The following AGAP1 variants were observed in gnomAD, a reference collection of about 807,000 sequenced individuals.
AGAP1 encodes ArfGAP with GTPase domain, ankyrin repeat and PH domain 1.
AGAP1 carries 29 observed loss-of-function variants against 105.3 expected under a neutral mutation model. That is an observed-to-expected ratio of 0.28 (90% CI 0.21 to 0.38). The LOEUF (loss-of-function observed/expected upper bound fraction) is 0.38. AGAP1 is among the 10% of genes least tolerant of loss of function. AGAP1 has a pLI of 1.00. For missense variants in AGAP1, 998 were observed against 1,165.1 expected (o/e 0.86, Z 2.09); for synonymous variants, 509 against 485.9 (o/e 1.05, Z -0.63).
chr2:235,911,394 TG>T (rs2051606351), intron 11 of AGAP1, among the ~76,000 whole-genome samples: 1 of 152,138 alleles, frequency 6.6e-6, no homozygotes, highest in South Asian at 2.1e-4. Flanking sequence ...CTTCAAGGGA[TG>T]GGGGCTACCT....
chr2:236,003,011 C>G lies in AGAP1; in HGVS notation c.1646-33550C>G, dbSNP rs1029670447. On this transcript the variant is annotated intron_variant, in intron 13 of 17. Transcript: ENST00000304032. The surrounding 1 kb of genome is among the most constrained non-coding windows in gnomAD (Gnocchi z 4.2). ...AAAAGAAGACTCGGGAACCACAGAA[C>G]TAACACAGAAGTAAGTTAGAAAATT... Among the ~76,000 whole-genome samples, 2 of 151,978 alleles carry G rather than the reference C, an allele frequency of 1.3e-5. No individual in the cohort carries two copies. Among genetic ancestry groups the G allele is most frequent in the African/African-American group, 2.4e-5 (1 of 41,366 alleles).
intron 10 of AGAP1, among the ~76,000 whole-genome samples, chr2:235,898,177 AGGGCACTT>A (rs1258212496): frequency 6.6e-6 from 1 of 152,228 alleles, no homozygotes; most frequent in Non-Finnish European, 1.5e-5. Flanking sequence ...CCTGCCCCGC[AGGGCACTT>A]GATAGCATTT....
chr2:235,824,026 G>A lies in AGAP1; in HGVS notation c.1050+16695G>A, dbSNP rs1958941529. ...AGGTCTGCCTATCCTAAAACCAGTGGTCTTCACATTGAAGGGCCTTATGTA... is the reference window on the plus strand; with the variant it reads ...AGGTCTGCCTATCCTAAAACCAGTGATCTTCACATTGAAGGGCCTTATGTA... On this transcript the variant is annotated intron_variant, in intron 9 of 17. Coordinates refer to ENST00000304032, the MANE Select transcript of AGAP1 (RefSeq NM_001037131.3). The surrounding 1 kb of genome is among the most constrained non-coding windows in gnomAD (Gnocchi z 5.2). 6.6e-6 allele frequency among the ~76,000 whole-genome samples: 1 copy of A among 152,178 alleles called. No homozygotes were observed. The highest frequency in any genetic ancestry group is 1.5e-5 in the Non-Finnish European group (1 of 68,046).
Position 236,096,500 on chromosome 2 carries a change from CAAA to C in AGAP1, c.2115-23682_2115-23680del, listed in dbSNP as rs774127175. Among the ~76,000 whole-genome samples the C allele has an allele frequency of 2.3e-5, 3 of 127,780 alleles. No homozygotes were observed. The highest frequency in any genetic ancestry group is 5.7e-5 in the African/African-American group (2 of 34,978). 83.8% of individuals were successfully genotyped at this position (127,780 alleles called of 152,430 possible). A position where few individuals can be genotyped will look rare whatever the true frequency, so the allele number is the denominator to read the frequency against. On this transcript the variant is annotated intron_variant, in intron 16 of 17. Coordinates refer to ENST00000304032, the MANE Select transcript of AGAP1 (RefSeq NM_001037131.3). The surrounding 1 kb of genome is among the most constrained non-coding windows in gnomAD (Gnocchi z 4.4). ...TTGGGGACAGAGTGAGCCTCCATCT[CAAA>C]AAAAAAAAAGCTTCTGGAATGTCAT... is the stretch of plus-strand genomic sequence containing the variant.
rs1559555400 is a variant in AGAP1, at chr2:235,845,714, AT to A, written c.1051-37629del. Among the ~76,000 whole-genome samples the A allele has an allele frequency of 6.6e-6, 1 of 151,904 alleles. No homozygotes were observed. The highest frequency in any genetic ancestry group is 2.4e-5 in the African/African-American group (1 of 41,350). Reference sequence around the variant, plus strand: ...GTCACCCAAGTCACCAGCCGGGACTATTCCTGATGTCATCTATTAACCTTCT... The same window carrying A: ...GTCACCCAAGTCACCAGCCGGGACTATCCTGATGTCATCTATTAACCTTCT... On this transcript the variant is annotated intron_variant, in intron 9 of 17. Coordinates refer to ENST00000304032, the MANE Select transcript of AGAP1 (RefSeq NM_001037131.3). The surrounding 1 kb of genome is among the most constrained non-coding windows in gnomAD (Gnocchi z 4.8).
Position 236,045,598 on chromosome 2 carries a change from C to T in AGAP1, c.1892-3461C>T, listed in dbSNP as rs112503699. On this transcript the variant is annotated intron_variant, in intron 15 of 17. Transcript: ENST00000304032. This position sits in a 1 kb window ranked among gnomAD's most constrained non-coding sequence, Gnocchi z 6.9. Reference sequence around the variant, plus strand: ...AGGGCCTGGAGAGCAGGCAGGGCCGCCCTGGGGCTGTGGGACCAGCGGGGC... The same window carrying T: ...AGGGCCTGGAGAGCAGGCAGGGCCGTCCTGGGGCTGTGGGACCAGCGGGGC... Among the ~76,000 whole-genome samples the T allele has an allele frequency of 6.6e-6, 1 of 152,226 alleles. No individual in the cohort carries two copies. The highest frequency in any genetic ancestry group is 1.5e-5 in the Non-Finnish European group (1 of 68,040).
rs190470859 is a variant in AGAP1, at chr2:235,960,709, G to T, written c.1484-7753G>T. On this transcript the variant is annotated intron_variant, in intron 12 of 17. Transcript: ENST00000304032. The surrounding 1 kb of genome is among the most constrained non-coding windows in gnomAD (Gnocchi z 4.9). Reference sequence around the variant, plus strand: ...TCTCTTCACTCTAGAAATCAGCCCCGTGGGACAGGGGTCTTGCCCTTTATT... The same window carrying T: ...TCTCTTCACTCTAGAAATCAGCCCCTTGGGACAGGGGTCTTGCCCTTTATT... Among the ~76,000 whole-genome samples, 3 of 152,208 alleles carry T rather than the reference G, an allele frequency of 2.0e-5. No individual in the cohort carries two copies. The highest frequency in any genetic ancestry group is 2.0e-4 in the Admixed American group (3 of 15,286).
intron 16 of AGAP1, among the ~76,000 whole-genome samples, chr2:236,060,532 T>TA (rs891110841): frequency 1.3e-5 from 2 of 151,496 alleles, no homozygotes; most frequent in African/African-American, 4.9e-5. Flanking sequence ...CTATAAAAAA[T>TA]AAAAAACATT....
In AGAP1 at chr2:236,120,644, T is replaced by C. The variant is rs2059877564; in HGVS notation, c.2370+197T>C. ...CCGGTCCTCCTTGTACAGTACTTGC[T>C]AGAGTTTCTGAAAATTGCAACTTTG... On this transcript the variant is annotated intron_variant, in intron 17 of 17. Transcript: ENST00000304032. The surrounding 1 kb of genome is among the most constrained non-coding windows in gnomAD (Gnocchi z 6.0). Among the ~76,000 whole-genome samples the C allele has an allele frequency of 6.6e-6, 1 of 152,244 alleles. No homozygotes were observed. The highest frequency in any genetic ancestry group is 2.1e-4 in the South Asian group (1 of 4,836).
Position 235,734,742 on chromosome 2 carries a change from T to A in AGAP1, c.311-6221T>A, listed in dbSNP as rs1269626450. Among the ~76,000 whole-genome samples the A allele has an allele frequency of 6.6e-6, 1 of 152,224 alleles. No homozygotes were observed. The highest frequency in any genetic ancestry group is 6.5e-5 in the Admixed American group (1 of 15,286). ...GCCTGTTTGATGTTGGCCCTGTGGA[T>A]GCTGCAAAACGCAGCAAACACGGAG... On this transcript the variant is annotated intron_variant, in intron 3 of 17. Coordinates refer to ENST00000304032, the MANE Select transcript of AGAP1 (RefSeq NM_001037131.3). This position sits in a 1 kb window ranked among gnomAD's most constrained non-coding sequence, Gnocchi z 5.3.
chr2:235,523,188 A>T (rs75306388), intron 1 of AGAP1, among the ~76,000 whole-genome samples: 9 of 152,086 alleles, frequency 5.9e-5, no homozygotes, highest in Non-Finnish European at 1.3e-4. Context: ...TGATCCCATC[A>T]TGCTCCTCAC....
chr2:236,001,776 T>C lies in AGAP1; in HGVS notation c.1645+33153T>C, dbSNP rs528081553. Among the ~76,000 whole-genome samples, 25 of 152,366 alleles carry C rather than the reference T, an allele frequency of 1.6e-4. No homozygotes were observed. Among genetic ancestry groups the C allele is most frequent in the African/African-American group, 5.8e-4 (24 of 41,592 alleles). On this transcript the variant is annotated intron_variant, in intron 13 of 17. Transcript: ENST00000304032. This position sits in a 1 kb window ranked among gnomAD's most constrained non-coding sequence, Gnocchi z 4.7. ...TTAACACCCCGTGGGTCTCCAGTTC[T>C]TCCACAAGCTGTTTGAAAGGCCACA...
At chr2:235,658,074 T>C (rs1465289544) in intron 1 of AGAP1, among the ~76,000 whole-genome samples, 4 of 152,212 alleles carry the variant, frequency 2.6e-5, no homozygotes, top group Non-Finnish European at 4.4e-5. Flanking sequence ...GGTACTTTGT[T>C]AGGTCAAGGC....
intron 13 of AGAP1, among the ~76,000 whole-genome samples, chr2:235,991,021 C>G (rs563127419): frequency 2.0e-5 from 3 of 152,232 alleles, no homozygotes; most frequent in Non-Finnish European, 4.4e-5. Context: ...CCTCTGTGGT[C>G]GGCATCTTCC....
intron 1 of AGAP1, among the ~76,000 whole-genome samples, chr2:235,560,827 C>T (rs973846154): frequency 8.5e-5 from 13 of 152,128 alleles, no homozygotes; most frequent in Non-Finnish European, 1.6e-4. Flanking sequence ...GTGGTCACGG[C>T]GGCAGTAGAT....
At chr2:236,013,414 A>G (rs768725666) in intron 13 of AGAP1, among the ~76,000 whole-genome samples, 1 of 152,134 alleles carries the variant, frequency 6.6e-6, no homozygotes, top group Non-Finnish European at 1.5e-5. Context: ...CGAAATGGAG[A>G]ATTTTGGCTC....
rs2057857996 is a variant in AGAP1, at chr2:236,050,309, G to A, written c.2114+1028G>A. ...TTTGTGGTGCCACCTTTGGCTCACT[G>A]GAGAGAATGAAGCTGGTGTGTTACT... On this transcript the variant is annotated intron_variant, in intron 16 of 17. Coordinates refer to ENST00000304032, the MANE Select transcript of AGAP1 (RefSeq NM_001037131.3). This position sits in a 1 kb window ranked among gnomAD's most constrained non-coding sequence, Gnocchi z 4.0. 1.3e-5 allele frequency among the ~76,000 whole-genome samples: 2 copies of A among 152,198 alleles called. No individual in the cohort carries two copies. The highest frequency in any genetic ancestry group is 1.3e-4 in the Admixed American group (2 of 15,272).
rs150529973 is a variant in AGAP1, at chr2:235,603,347, T to C, written c.164-105832T>C. Among the ~76,000 whole-genome samples, 110 of 152,328 alleles carry C rather than the reference T, an allele frequency of 7.2e-4. 4 individuals carry two copies. The East Asian group carries it at 0.021, about 29-fold the overall frequency. On this transcript the variant is annotated intron_variant, in intron 1 of 17. Coordinates refer to ENST00000304032, the MANE Select transcript of AGAP1 (RefSeq NM_001037131.3). ...TGTTTATAAATTACCCAGCCTAGGG[T>C]ATGCCTTTATCAGCAGCATGAAAAA...
intron 11 of AGAP1, among the ~76,000 whole-genome samples, chr2:235,924,620 C>T (rs2052356532): frequency 6.6e-6 from 1 of 152,200 alleles, no homozygotes; most frequent in South Asian, 2.1e-4. Flanking sequence ...GAATGACAGT[C>T]TCTTGCAGCA....
Sources: allele counts gnomAD v4.1 joint callset (sites outside exome capture counted in the v4.1 genomes callset), GRCh38; gene constraint gnomAD v4.1.1; non-coding constraint Gnocchi (gnomAD v3.1); transcripts MANE v1.5; gene names NCBI Gene and HGNC (gene_info 2026-07-23, HGNC 2026-07-21).